The following TMEM132B variants were observed in gnomAD, a reference collection of about 807,000 sequenced individuals.
TMEM132B encodes the protein transmembrane protein 132B.
A neutral mutation model predicts 90.8 loss-of-function variants in TMEM132B; 18 were observed. The observed-to-expected ratio is 0.20, with a 90% CI of 0.14 to 0.29. TMEM132B has a LOEUF of 0.29. Ranked by LOEUF, TMEM132B falls within the 10% of genes least tolerant of loss-of-function variation. The pLI is 1.00. For synonymous variants in TMEM132B, 504 were observed against 523.3 expected (o/e 0.96, Z 0.50); for missense variants, 1,096 against 1,326.8 (o/e 0.83, Z 2.70).
At chr12:125,509,434 A>G (rs1431526086) in intron 3 of TMEM132B, among the ~76,000 whole-genome samples, 1 of 152,080 alleles carries the variant, frequency 6.6e-6, no homozygotes, top group Admixed American at 6.5e-5. Context: ...TTCCATAGTT[A>G]ATGAGGAGAA....
chr12:125,524,787 G>A (rs1883403618), intron 4 of TMEM132B, among the ~76,000 whole-genome samples: 1 of 152,160 alleles, frequency 6.6e-6, no homozygotes, highest in Admixed American at 6.5e-5. Flanking sequence ...AGAAAAGGAG[G>A]AGGAAAGGAG....
chr12:125,405,405 C>T (rs1879440378), intron 2 of TMEM132B, among the ~76,000 whole-genome samples: 2 of 152,214 alleles, frequency 1.3e-5, no homozygotes, highest in Admixed American at 1.3e-4. Context: ...TAAGTAATTA[C>T]ATCAATGAAG....
chr12:125,360,909 T>C (rs925820350), intron 2 of TMEM132B, among the ~76,000 whole-genome samples: 1 of 152,104 alleles, frequency 6.6e-6, no homozygotes, highest in Admixed American at 6.6e-5. Context: ...TTACTGTCTA[T>C]GTGACTTTGC....
chr12:125,286,269 C>G (rs1875353800), intron 1 of TMEM132B, among the ~76,000 whole-genome samples: 1 of 152,232 alleles, frequency 6.6e-6, no homozygotes, highest in Non-Finnish European at 1.5e-5. Flanking sequence ...AACTCATGCT[C>G]TTGGGTACAG....
intron 5 of TMEM132B, among the ~76,000 whole-genome samples, chr12:125,600,116 T>A (rs1042345794): frequency 7.2e-5 from 11 of 152,172 alleles, no homozygotes; most frequent in Non-Finnish European, 1.2e-4. Context: ...GAAAATTAAC[T>A]GAAAATAAAT....
intron 4 of TMEM132B, among the ~76,000 whole-genome samples, chr12:125,535,321 G>A (rs749646084): frequency 6.6e-5 from 10 of 152,106 alleles, no homozygotes; most frequent in South Asian, 4.2e-4. Flanking sequence ...GATCCTGAGC[G>A]GGGGAAAAGA....
At chr12:125,422,666 G>T (rs404948) in intron 3 of TMEM132B, among the ~76,000 whole-genome samples, 5,068 of 152,274 alleles carry the variant, frequency 0.033, 286 homozygotes, top group African/African-American at 0.11. Flanking sequence ...CTAAATCCAA[G>T]GACTGGTGTC....
chr12:125,530,644 T>A (rs1315229113), intron 4 of TMEM132B, among the ~76,000 whole-genome samples: 1 of 151,680 alleles, frequency 6.6e-6, no homozygotes, highest in Non-Finnish European at 1.5e-5. Context: ...AGGGAAGGAG[T>A]CTTCCCTGCC....
intron 2 of TMEM132B, among the ~76,000 whole-genome samples, chr12:125,401,455 T>C (rs1226471217): frequency 6.6e-6 from 1 of 152,180 alleles, no homozygotes; most frequent in Admixed American, 6.5e-5. Flanking sequence ...TTTGCCATTT[T>C]AGATTGGGTG....
intron 1 of TMEM132B, among the ~76,000 whole-genome samples, chr12:125,229,732 GC>G (rs1215926734): frequency 6.6e-6 from 1 of 152,230 alleles, no homozygotes; most frequent in African/African-American, 2.4e-5. Context: ...GTGACTCCTG[GC>G]TTTGCTGGCT....
In TMEM132B at chr12:125,399,460, T is replaced by A. The variant is rs1034752542; in HGVS notation, c.960-16071T>A. On this transcript the variant is annotated intron_variant, in intron 2 of 8. Coordinates refer to ENST00000682704, the MANE Select transcript of TMEM132B (RefSeq NM_001366854.1). ...GCTGTGGAAGATGTGAAGAAGGAAG[T>A]GTGTGTGTGTGTGTGTGTGTGTATG... is the stretch of plus-strand genomic sequence containing the variant. 4.8e-4 allele frequency among the ~76,000 whole-genome samples: 41 copies of A among 85,584 alleles called. 1 individual carries two copies. The East Asian group carries it at 0.035, about 73-fold the overall frequency. 56.1% of individuals were successfully genotyped at this position (85,584 alleles called of 152,430 possible).
At chr12:125,316,173 T>C (rs1031869826) in intron 1 of TMEM132B, among the ~76,000 whole-genome samples, 156 of 152,230 alleles carry the variant, frequency 1.0e-3, no homozygotes, top group Non-Finnish European at 1.3e-4. Context: ...CACAGATCCA[T>C]ATCTGCCTCC....
At chr12:125,608,782 G>A (rs1307566249) in intron 5 of TMEM132B, among the ~76,000 whole-genome samples, 1 of 151,952 alleles carries the variant, frequency 6.6e-6, no homozygotes, top group African/African-American at 2.4e-5. Context: ...CTTTGCCAAT[G>A]GCTACATAAT....
intron 2 of TMEM132B, among the ~76,000 whole-genome samples, chr12:125,385,837 A>G (rs1878814345): frequency 6.6e-6 from 1 of 152,168 alleles, no homozygotes; most frequent in Non-Finnish European, 1.5e-5. Context: ...AGTGTCTTAT[A>G]TTTGCCAGCC....
At chr12:125,245,691 G>T (rs1404969944) in intron 1 of TMEM132B, among the ~76,000 whole-genome samples, 2 of 143,548 alleles carry the variant, frequency 1.4e-5, no homozygotes, top group Non-Finnish European at 3.2e-5. Flanking sequence ...GTCGGGGGAT[G>T]GGGGGGGACT....
At chr12:125,425,093 C>T (rs1417468703) in intron 3 of TMEM132B, among the ~76,000 whole-genome samples, 1 of 152,098 alleles carries the variant, frequency 6.6e-6, no homozygotes, top group African/African-American at 2.4e-5. Context: ...AGGTTTGAGA[C>T]CAAGTCAGGG....
chr12:125,304,972 A>G (rs1875923646), intron 1 of TMEM132B, among the ~76,000 whole-genome samples: 1 of 152,054 alleles, frequency 6.6e-6, no homozygotes, highest in African/African-American at 2.4e-5. Context: ...GGTAATCACT[A>G]TTGGAGCCAT....
intron 1 of TMEM132B, among the ~76,000 whole-genome samples, chr12:125,325,734 CTTTGT>C (rs1876546000): frequency 6.9e-6 from 1 of 145,274 alleles, no homozygotes; most frequent in South Asian, 2.2e-4. Context: ...TTTCTAAGAA[CTTTGT>C]TTTGTTGTCG....
At chr12:125,527,441 T>TACCCTTCCATACACCCATCC (rs1883514424) in intron 4 of TMEM132B, among the ~76,000 whole-genome samples, 1 of 37,738 alleles carries the variant, frequency 2.6e-5, no homozygotes, top group African/African-American at 1.2e-4. Flanking sequence ...TCCACCTATT[T>TACCCTTCCATACACCCATCC]ACCCTTCCAT....
Sources: allele counts gnomAD v4.1 joint callset (sites outside exome capture counted in the v4.1 genomes callset), GRCh38; gene constraint gnomAD v4.1.1; transcripts MANE v1.5; gene names NCBI Gene and HGNC (gene_info 2026-07-23, HGNC 2026-07-21).